Variants in VDR observed in about 807,000 individuals in gnomAD.
VDR encodes the protein vitamin D3 receptor.
In VDR, 19 loss-of-function variants were observed where a neutral mutation model predicts 39.7. That is an observed-to-expected ratio of 0.48 (90% CI 0.33 to 0.70). VDR has a LOEUF of 0.70. Among genes scored for constraint, VDR ranks in the 30% least tolerant of loss-of-function variants. The probability of loss-of-function intolerance (pLI) is 0.02; values close to 1 mark genes in which losing one functional copy is unlikely to be tolerated. For missense variants in VDR, 442 were observed against 570.5 expected (o/e 0.77, Z 2.29); for synonymous variants, 242 against 215.8 (o/e 1.12, Z -1.07).
At chr12:47,852,459 GGGTAAAC>G (rs1565610381) in intron 7 of VDR, among the ~76,000 whole-genome samples, 1 of 152,232 alleles carries the variant, frequency 6.6e-6, no homozygotes, top group African/African-American at 2.4e-5. Context: ...AAGCCTCTGA[GGGTAAAC>G]CCTGGGCTCA....
At chr12:47,880,192 G>C (rs1050385535) in intron 2 of VDR, among the ~76,000 whole-genome samples, 1 of 152,082 alleles carries the variant, frequency 6.6e-6, no homozygotes, top group Non-Finnish European at 1.5e-5. Flanking sequence ...GGTCCTTCTT[G>C]TCAGAAGAAA....
chr12:47,886,144 C>T lies in VDR; in HGVS notation c.-83-3370G>A, dbSNP rs191485924. The stretch of plus-strand genomic sequence containing the variant: ...AGCTATTTCCCCACAGAGTGGGAGA[C>T]AATTCTTCTTCTTCCTAAAATTGCC... On this transcript the variant is annotated intron_variant, in intron 1 of 9. Transcript: ENST00000549336. Among the ~76,000 whole-genome samples, 324 of 152,332 alleles carry T rather than the reference C, an allele frequency of 2.1e-3. 2 individuals carry two copies. The highest frequency in any genetic ancestry group is 7.3e-3 in the African/African-American group (303 of 41,572).
At position 47,857,684 on chromosome 12, in the gene VDR, A is replaced by C. The variant is rs1565613821; in HGVS notation, c.282T>G (p.Ile94Met). ...TCCTCTGCACTTCCTCATCTGTCAGAATGACTGTGGGGTGGGAAGGGGAGT... is the reference window on the plus strand; with the variant it reads ...TCCTCTGCACTTCCTCATCTGTCAGCATGACTGTGGGGTGGGAAGGGGAGT... ...CVDIGMMKEF[I>M]LTDEEVQRKR... is the part of the protein sequence containing the mutation. Residue 94 changes from isoleucine to methionine, a missense_variant, in exon 5 of 10, where the codon ATT becomes ATG. Ile to Met is a conservative substitution (Grantham distance 10, BLOSUM62 1). Coordinates refer to ENST00000549336, the MANE Select transcript of VDR (RefSeq NM_000376.3). 15 of 1,613,472 alleles carry C rather than the reference A, an allele frequency of 9.3e-6. No homozygotes were observed. The highest frequency in any genetic ancestry group is 1.3e-5 in the Non-Finnish European group (15 of 1,179,566).
chr12:47,859,016 C>T (rs931682891), intron 4 of VDR, among the ~76,000 whole-genome samples: 5 of 152,330 alleles, frequency 3.3e-5, no homozygotes, highest in Admixed American at 6.5e-5. Flanking sequence ...GTGACTGACT[C>T]ACCTGCCCAA....
intron 3 of VDR, among the ~76,000 whole-genome samples, chr12:47,868,414 T>C (rs1384137562): frequency 1.3e-5 from 2 of 152,232 alleles, no homozygotes; most frequent in Non-Finnish European, 2.9e-5. Flanking sequence ...GGCCCAGTCC[T>C]AACCCTGCAG....
intron 3 of VDR, among the ~76,000 whole-genome samples, chr12:47,865,892 T>C (rs1030383743): frequency 2.0e-5 from 3 of 151,164 alleles, no homozygotes; most frequent in African/African-American, 7.3e-5. Context: ...TTTTTTTGTA[T>C]TTTTAGTAGA....
chr12:47,855,741 G>C lies in VDR; in HGVS notation c.644C>G (p.Pro215Arg), dbSNP rs1359473853. The change falls in exon 7 of 10, where the codon CCT becomes CGT. Residue 215 changes from proline (P) to arginine (R), a missense_variant. Coordinates refer to ENST00000549336, the MANE Select transcript of VDR (RefSeq NM_000376.3). ...CTGGGACAGCTCTAGGGTCACAGAA[G>C]GGTCATCTGAATCTTCTTCACTCAG... ...LDLSEEDSDD[P>R]SVTLELSQLS... 2.5e-6 allele frequency: 4 copies of C among 1,614,096 alleles called. No homozygotes were observed. In the South Asian group the frequency reaches 4.4e-5, roughly 18 times the overall value.
intron 7 of VDR, among the ~76,000 whole-genome samples, chr12:47,852,755 T>A (rs1271974777): frequency 6.6e-6 from 1 of 152,216 alleles, no homozygotes; most frequent in Non-Finnish European, 1.5e-5. Context: ...GCTCTGTGAA[T>A]GACCATCATC....
At chr12:47,887,476 A>G (rs1307139441) in intron 1 of VDR, among the ~76,000 whole-genome samples, 1 of 152,202 alleles carries the variant, frequency 6.6e-6, no homozygotes, top group Non-Finnish European at 1.5e-5. Flanking sequence ...ACACTCTATA[A>G]TGCTTATGTT....
intron 2 of VDR, among the ~76,000 whole-genome samples, chr12:47,881,544 A>C (rs1191149831): frequency 6.6e-6 from 1 of 152,162 alleles, no homozygotes; most frequent in Admixed American, 6.5e-5. Flanking sequence ...GAGAGATGAG[A>C]TCGGGGAGGG....
At chr12:47,903,896 T>C (rs1418604510) in intron 1 of VDR, among the ~76,000 whole-genome samples, 3 of 152,208 alleles carry the variant, frequency 2.0e-5, no homozygotes, top group African/African-American at 2.4e-5. Context: ...AGCACTGCTG[T>C]GTTGGGTATC....
intron 3 of VDR, among the ~76,000 whole-genome samples, chr12:47,870,873 A>G (rs1297307691): frequency 6.6e-6 from 1 of 152,218 alleles, no homozygotes; most frequent in African/African-American, 2.4e-5. Flanking sequence ...CACAATGTAT[A>G]TGTATAGCAG....
chr12:47,872,347 G>T, intron 3 of VDR, among the ~76,000 whole-genome samples: 1 of 152,180 alleles, frequency 6.6e-6, no homozygotes, highest in East Asian at 1.9e-4. Flanking sequence ...GGAAAGAAGA[G>T]AAACTAGCAG....
intron 3 of VDR, among the ~76,000 whole-genome samples, chr12:47,871,034 T>G (rs998164081): frequency 7.9e-5 from 12 of 151,928 alleles, no homozygotes; most frequent in East Asian, 3.9e-4. Flanking sequence ...CAGGTGGGTT[T>G]AAAAAAACAT....
chr12:47,864,115 G>C (rs1034648544), intron 4 of VDR, among the ~76,000 whole-genome samples: 1 of 152,320 alleles, frequency 6.6e-6, no homozygotes, highest in African/African-American at 2.4e-5. Context: ...CCGGGTGGGG[G>C]TCTGGATGCA....
At position 47,844,535 on chromosome 12, in the gene VDR, G is replaced by T; in HGVS notation, c.*211C>A. The T allele has an allele frequency of 1.5e-6, 1 of 668,062 alleles. No homozygotes were observed. Among genetic ancestry groups the T allele is most frequent in the Non-Finnish European group, 2.5e-6 (1 of 397,568 alleles). 41.4% of individuals were successfully genotyped at this position (668,062 alleles called of 1,614,324 possible). On this transcript the variant is annotated 3_prime_UTR_variant, in exon 10 of 10. Transcript: ENST00000549336. ...TGTCAAACAAACAGCAACTCCTCAT[G>T]GCTGAGGTCTCAAGGGACCGGGGAA...
chr12:47,858,030 T>G (rs549704439), intron 4 of VDR, among the ~76,000 whole-genome samples: 2 of 152,244 alleles, frequency 1.3e-5, no homozygotes, highest in Admixed American at 6.5e-5. Context: ...TTGGACCATG[T>G]AAGTTCTTCC....
Position 47,844,725 on chromosome 12 carries a change from C to A in VDR, c.*21G>T. The A allele has an allele frequency of 6.2e-7, 1 of 1,613,676 alleles. No individual in the cohort carries two copies. Among genetic ancestry groups the A allele is most frequent in the South Asian group, 1.1e-5 (1 of 91,082 alleles). On this transcript the variant is annotated 3_prime_UTR_variant, in exon 10 of 10. Transcript: ENST00000549336. ...CCCTGGAGGAGCAGCCCCACCCAGG[C>A]ACCGCCACAGGCTGTCCTAGTCAGG...
In VDR at chr12:47,844,647, G is replaced by C. The variant is rs1945238288; in HGVS notation, c.*99C>G. The C allele has an allele frequency of 1.9e-6, 3 of 1,540,934 alleles. No individual in the cohort carries two copies. The highest frequency in any genetic ancestry group is 2.3e-5 in the South Asian group (2 of 87,654). The stretch of plus-strand genomic sequence containing the variant: ...GTGGCAGAGGAGGGGCTGAACCCCA[G>C]ACGGGGTGAGGAGGGCTGCTGAGTA... On this transcript the variant is annotated 3_prime_UTR_variant, in exon 10 of 10. Transcript: ENST00000549336.
Sources: gnomAD v4.1 joint callset for allele counts (sites outside exome capture counted in the v4.1 genomes callset) on GRCh38, gnomAD v4.1.1 for gene constraint, MANE v1.5 for transcripts, NCBI Gene and HGNC (gene_info 2026-07-23, HGNC 2026-07-21) for gene names.